The following PPFIBP1 variants were observed in gnomAD, a reference collection of about 807,000 sequenced individuals.
PPFIBP1 encodes the protein liprin-beta-1.
A neutral mutation model predicts 137.8 loss-of-function variants in PPFIBP1; 112 were observed. The ratio of observed to expected loss-of-function variants is 0.81; its 90% CI spans 0.70 to 0.95. The LOEUF (loss-of-function observed/expected upper bound fraction) is 0.95. Ranked by LOEUF, PPFIBP1 falls within the 40% of genes least tolerant of loss-of-function variation. The pLI is 0.00. For synonymous variants in PPFIBP1, 378 were observed against 417.3 expected (o/e 0.91, Z 1.15); for missense variants, 1,083 against 1,196.6 (o/e 0.91, Z 1.40).
intron 1 of PPFIBP1, among the ~76,000 whole-genome samples, chr12:27,543,868 A>C (rs371046926): frequency 0.12 from 8,033 of 67,034 alleles, no homozygotes; most frequent in Middle Eastern, 0.14. Context: ...CCAGCCCCCC[A>C]CCCCGCCCCT....
chr12:27,550,958 T>G (rs915496056), intron 1 of PPFIBP1, among the ~76,000 whole-genome samples: 21 of 148,048 alleles, frequency 1.4e-4, no homozygotes, highest in African/African-American at 5.0e-4. Context: ...TGTGCTTTGT[T>G]TGGGGGTGGG....
At chr12:27,570,517 A>G (rs1467513138) in intron 1 of PPFIBP1, among the ~76,000 whole-genome samples, 1 of 152,132 alleles carries the variant, frequency 6.6e-6, no homozygotes, top group African/African-American at 2.4e-5. Flanking sequence ...AAGTACAGAT[A>G]AACAAAATGA....
intron 2 of PPFIBP1, among the ~76,000 whole-genome samples, chr12:27,597,842 C>T (rs1315907433): frequency 6.6e-6 from 1 of 152,006 alleles, no homozygotes; most frequent in Non-Finnish European, 1.5e-5. Flanking sequence ...TTTGCTCTTG[C>T]TGCCCTGGCT....
rs2049640011 is a variant in PPFIBP1 at position 27,566,110 on chromosome 12, T to A, written c.-123-12042T>A. ...TACCTTATTATTAAGTTTTTTTGGT[T>A]CCCTATACCATGTAGCCCAGTGGTA... On this transcript the variant is annotated intron_variant, in intron 1 of 29. Coordinates refer to ENST00000228425, the MANE Select transcript of PPFIBP1 (RefSeq NM_003622.4). Among the ~76,000 whole-genome samples, 3 of 152,294 alleles carry A rather than the reference T, an allele frequency of 2.0e-5. No individual in the cohort carries two copies. The South Asian group carries it at 6.2e-4, about 32-fold the overall frequency.
intron 1 of PPFIBP1, among the ~76,000 whole-genome samples, chr12:27,570,785 C>T (rs903944649): frequency 3.4e-4 from 52 of 151,874 alleles, no homozygotes; most frequent in Non-Finnish European, 6.8e-4. Context: ...TGGTGGCGGG[C>T]GCCTGTAGTC....
chr12:27,569,453 C>T (rs1252952189), intron 1 of PPFIBP1, among the ~76,000 whole-genome samples: 1 of 152,116 alleles, frequency 6.6e-6, no homozygotes, highest in Non-Finnish European at 1.5e-5. Context: ...TTTAATTCAC[C>T]CCTCTGCTTT....
At chr12:27,631,689 T>C (rs2057281409) in intron 2 of PPFIBP1, among the ~76,000 whole-genome samples, 1 of 152,208 alleles carries the variant, frequency 6.6e-6, no homozygotes, top group African/African-American at 2.4e-5. Context: ...TATAATAGCA[T>C]TTGAAAGGCT....
intron 2 of PPFIBP1, chr12:27,592,532 G>C: frequency 8.0e-7 from 1 of 1,246,594 alleles, no homozygotes; most frequent in Non-Finnish European, 1.2e-6. Context: ...CGTTTCCTTG[G>C]TGCTGGCTGA....
chr12:27,688,234 G>GA, intron 25 of PPFIBP1, 64 bp from the exon 26 acceptor site: 1 of 1,568,236 alleles, frequency 6.4e-7, no homozygotes, highest in Non-Finnish European at 8.7e-7. Flanking sequence ...GTACTCCATG[G>GA]AGCAGACTTT....
In PPFIBP1 at chr12:27,667,201, A is replaced by C; in HGVS notation, c.1027A>C (p.Ser343Arg). The C allele has an allele frequency of 6.2e-7, 1 of 1,611,370 alleles. No homozygotes were observed. Among genetic ancestry groups the C allele is most frequent in the Non-Finnish European group, 8.5e-7 (1 of 1,178,802 alleles). ...DGEYEELLNS[S>R]SISSLLDAQG... ...AGAATATGAAGAGCTGCTCAATTCC[A>C]GTTCCATCTCCTCTTTGCTGGATGC... Residue 343 changes from serine (S) to arginine (R), a missense_variant, in exon 13 of 30, where the codon AGT becomes CGT. Ser to Arg is a moderately radical substitution (Grantham distance 110). Transcript: ENST00000228425.
chr12:27,589,503 T>C (rs1592672228), intron 2 of PPFIBP1, among the ~76,000 whole-genome samples: 1 of 152,216 alleles, frequency 6.6e-6, no homozygotes, highest in Non-Finnish European at 1.5e-5. Flanking sequence ...TTTAAAATAC[T>C]TCGTCCTGCT....
chr12:27,603,405 C>G (rs921568116), intron 2 of PPFIBP1, among the ~76,000 whole-genome samples: 1 of 152,148 alleles, frequency 6.6e-6, no homozygotes, highest in Non-Finnish European at 1.5e-5. Flanking sequence ...CTTGGCAATA[C>G]CCTTCTGGGA....
chr12:27,611,910 C>G (rs1052550688), intron 2 of PPFIBP1, among the ~76,000 whole-genome samples: 1 of 152,144 alleles, frequency 6.6e-6, no homozygotes, highest in Non-Finnish European at 1.5e-5. Flanking sequence ...ACGTCTTTCC[C>G]CCTCAAGTCC....
At position 27,650,011 on chromosome 12, in the gene PPFIBP1, A is replaced by C; in HGVS notation, c.473A>C (p.Glu158Ala). 6.3e-7 allele frequency: 1 copy of C among 1,599,750 alleles called. No individual in the cohort carries two copies. Among genetic ancestry groups the C allele is most frequent in the Non-Finnish European group, 8.5e-7 (1 of 1,169,758 alleles). The change falls in exon 7 of 30, where the codon GAG becomes GCG. Residue 158 changes from glutamate to alanine, a missense_variant and splice_region_variant. Transcript: ENST00000228425. ...VNATEEMLQQ[E>A]LLSRTSLETQ... ...AATGTATCTGTTAAATTATAATAGG[A>C]GCTTCTAAGTAGGACATCCTTAGAA...
chr12:27,626,844 G>A (rs1052146959), intron 2 of PPFIBP1, among the ~76,000 whole-genome samples: 2 of 152,158 alleles, frequency 1.3e-5, no homozygotes, highest in Admixed American at 6.5e-5. Context: ...GGGATTACAG[G>A]CGTGAGCCAC....
At position 27,585,581 on chromosome 12, in the gene PPFIBP1, G is replaced by A. The variant is rs1054298124; in HGVS notation, c.-36+7342G>A. 2.6e-5 allele frequency among the ~76,000 whole-genome samples: 4 copies of A among 152,238 alleles called. No homozygotes were observed. In the East Asian group the frequency reaches 7.7e-4, roughly 29 times the overall value. On this transcript the variant is annotated intron_variant, in intron 2 of 29. Coordinates refer to ENST00000228425, the MANE Select transcript of PPFIBP1 (RefSeq NM_003622.4). ...GGCCAGGGGCTTTGGAGCATGCAAA[G>A]ATAAGCAGAACATAGGGTCTTTTGT...
chr12:27,607,684 G>C lies in PPFIBP1; in HGVS notation c.-35-25678G>C, dbSNP rs1005069001. 2.6e-5 allele frequency among the ~76,000 whole-genome samples: 4 copies of C among 152,238 alleles called. No homozygotes were observed. The South Asian group carries it at 6.2e-4, about 24-fold the overall frequency. On this transcript the variant is annotated intron_variant, in intron 2 of 29. Coordinates refer to ENST00000228425, the MANE Select transcript of PPFIBP1 (RefSeq NM_003622.4). ...CTGCTCTTAATGAATTTGGTGTCTT[G>C]ATTTACCAAAAATCCATAGATGATG...
intron 2 of PPFIBP1, among the ~76,000 whole-genome samples, chr12:27,595,910 TATATATATA>T (rs2053227872): frequency 7.5e-6 from 1 of 132,878 alleles, no homozygotes; most frequent in Non-Finnish European, 1.7e-5. Flanking sequence ...TATATATATA[TATATATATA>T]TATTTTATGC....
intron 4 of PPFIBP1, among the ~76,000 whole-genome samples, chr12:27,642,630 G>A (rs1002850087): frequency 1.3e-5 from 2 of 152,176 alleles, no homozygotes; most frequent in Non-Finnish European, 2.9e-5. Context: ...CGTAGATGGG[G>A]AAAGGAGAAT....
Sources: gnomAD v4.1 joint callset for allele counts (sites outside exome capture counted in the v4.1 genomes callset) on GRCh38, gnomAD v4.1.1 for gene constraint, MANE v1.5 for transcripts, NCBI Gene and HGNC (gene_info 2026-07-23, HGNC 2026-07-21) for gene names.